Variants in DNAJB11 observed in about 807,000 individuals in gnomAD.
DNAJB11 encodes the protein DnaJ heat shock protein family (Hsp40) member B11.
Under a neutral mutation model 47.2 loss-of-function variants are expected in DNAJB11, and 30 were observed. The ratio of observed to expected loss-of-function variants is 0.64; its 90% CI spans 0.48 to 0.86. The LOEUF (loss-of-function observed/expected upper bound fraction) is 0.86, where lower values mean the gene tolerates loss of function less well. DNAJB11 is among the 40% of genes least tolerant of loss of function. The probability of loss-of-function intolerance (pLI) is 0.00; values close to 1 mark genes in which losing one functional copy is unlikely to be tolerated. For missense variants in DNAJB11, 357 were observed against 440.2 expected (o/e 0.81, Z 1.69); for synonymous variants, 151 against 159.9 (o/e 0.94, Z 0.42).
chr3:186,581,655 T>C (rs1183364667), intron 5 of DNAJB11, 142 bp downstream of exon 5: 8 of 996,646 alleles, frequency 8.0e-6, no homozygotes, highest in Non-Finnish European at 1.0e-5. Context: ...CAAAACAATG[T>C]ACATTTTTTT....
At chr3:186,573,026 G>A (rs981766588) in intron 2 of DNAJB11, among the ~76,000 whole-genome samples, 1 of 152,064 alleles carries the variant, frequency 6.6e-6, no homozygotes, top group Non-Finnish European at 1.5e-5. Flanking sequence ...CTAATCTGGG[G>A]ATCAAAACAC....
At chr3:186,580,572 TG>T (rs1426641187) in intron 4 of DNAJB11, 1 of 152,248 alleles carries the variant, frequency 6.6e-6, no homozygotes, top group Non-Finnish European at 1.5e-5. Flanking sequence ...TGGCTTGGCA[TG>T]TAGTAAGTGC....
chr3:186,581,712 C>G (rs1293010016), intron 5 of DNAJB11, among the ~76,000 whole-genome samples, 199 bp downstream of exon 5: 1 of 151,918 alleles, frequency 6.6e-6, no homozygotes, highest in African/African-American at 2.4e-5. Flanking sequence ...AACTAACAAG[C>G]AGTGCCCTTT....
intron 2 of DNAJB11, among the ~76,000 whole-genome samples, chr3:186,573,240 C>CACA (rs1268826630): frequency 6.6e-6 from 1 of 152,066 alleles, no homozygotes; most frequent in Non-Finnish European, 1.5e-5. Flanking sequence ...TTTAGGAAGA[C>CACA]ACAAACCTTG....
Position 186,582,738 on chromosome 3 carries a change from G to C in DNAJB11, c.705G>C (p.Glu235Asp), listed in dbSNP as rs1467165282. 12 of 1,591,550 alleles carry C rather than the reference G, an allele frequency of 7.5e-6. No homozygotes were observed. Among genetic ancestry groups the C allele is most frequent in the Non-Finnish European group, 1.0e-5 (12 of 1,167,574 alleles). ...TAGGTGAGCCTCACGTGGATGGGGA[G>C]CCTGGAGATTTACGGTTCCGAATCA... ...IGEGEPHVDG[E>D]PGDLRFRIKV... Residue 235 changes from glutamate (E) to aspartate (D), a missense_variant, in exon 7 of 10, where the codon GAG (glutamate) becomes GAC (aspartate). Physicochemically the swap from Glu to Asp is conservative, Grantham distance 45 (BLOSUM62 2). Transcript: ENST00000265028.
At chr3:186,580,630 C>T (rs1715453054) in intron 4 of DNAJB11, 1 of 152,192 alleles carries the variant, frequency 6.6e-6, no homozygotes, top group South Asian at 2.1e-4. Flanking sequence ...ATAATTTACT[C>T]TGTTGACCTG....
chr3:186,585,331 ATTCT>A lies in DNAJB11; in HGVS notation c.1013-7_1013-4del, dbSNP rs776025383. The A allele has an allele frequency of 2.1e-5, 34 of 1,607,686 alleles. No individual in the cohort carries two copies. Among genetic ancestry groups the A allele is most frequent in the South Asian group, 1.6e-4 (14 of 89,648 alleles). On this transcript the variant is annotated splice_polypyrimidine_tract_variant and intron_variant, in intron 9 of 9. Coordinates refer to ENST00000265028, the MANE Select transcript of DNAJB11 (RefSeq NM_016306.6). ...TTTTTGTTAATGGAGTCATTTGTTCATTCTTTCTTCAGGTATCAAACAGCTACTG... is the reference window on the plus strand; with the variant it reads ...TTTTTGTTAATGGAGTCATTTGTTCATTCTTCAGGTATCAAACAGCTACTG...
Position 186,577,755 on chromosome 3 carries a change from T to C in DNAJB11, c.411T>C (p.Asp137=), listed in dbSNP as rs988507021. 9 of 1,608,902 alleles carry C rather than the reference T, an allele frequency of 5.6e-6. No individual in the cohort carries two copies. In the African/African-American group the frequency reaches 1.1e-4, roughly 19 times the overall value. Residue 137 remains aspartate, a synonymous_variant, in exon 4 of 10, where the codon GAT becomes GAC. Coordinates refer to ENST00000265028, the MANE Select transcript of DNAJB11 (RefSeq NM_016306.6). ...NIPRGSDIIV[D]LEVTLEEVYA... ...CAAGAGGAAGTGATATTATTGTAGA[T>C]CTAGAAGTCACTTTGGAAGAAGTAT...
At position 186,581,307 on chromosome 3, in the gene DNAJB11, A is replaced by G. The variant is rs147879139; in HGVS notation, c.457-64A>G. Reference sequence around the variant, plus strand: ...CAGGCATATGTGCAGAGCCTTGATCAATTGAGGAAAGGAAAGGCTGTTTTA... The same window carrying G: ...CAGGCATATGTGCAGAGCCTTGATCGATTGAGGAAAGGAAAGGCTGTTTTA... On this transcript the variant is annotated intron_variant, in intron 4 of 9. Transcript: ENST00000265028. The G allele has an allele frequency of 2.1e-4, 334 of 1,577,708 alleles. 1 individual carries two copies. The African/African-American group carries it at 4.1e-3, about 19-fold the overall frequency.
At position 186,572,159 on chromosome 3, in the gene DNAJB11, T is replaced by C; in HGVS notation, c.133T>C (p.Tyr45His). 6.2e-7 allele frequency: 1 copy of C among 1,613,660 alleles called. No individual in the cohort carries two copies. The highest frequency in any genetic ancestry group is 8.5e-7 in the Non-Finnish European group (1 of 1,179,806). The change falls in exon 2 of 10, where the codon TAT becomes CAT. Residue 45 changes from tyrosine (Y) to histidine (H), a missense_variant. Coordinates refer to ENST00000265028, the MANE Select transcript of DNAJB11 (RefSeq NM_016306.6). Reference sequence around the variant, plus strand: ...CTCTATAAAGGATATTAAAAAGGCCTATAGGAAACTAGCCCTGCAGCTTCA... The same window carrying C: ...CTCTATAAAGGATATTAAAAAGGCCCATAGGAAACTAGCCCTGCAGCTTCA... The part of the protein sequence containing the change: ...SASIKDIKKA[Y>H]RKLALQLHPD...
chr3:186,575,355 GC>G (rs1369488760), intron 2 of DNAJB11, among the ~76,000 whole-genome samples: 11 of 64,180 alleles, frequency 1.7e-4, no homozygotes, highest in African/African-American at 9.3e-4. Context: ...CCTAATACAT[GC>G]GCGCGCGCGC....
At chr3:186,584,120 G>A (rs556180849) in intron 8 of DNAJB11, 144 bp downstream of exon 8, 2 of 675,952 alleles carry the variant, frequency 3.0e-6, no homozygotes, top group East Asian at 2.7e-5. Context: ...CTCTGCTGCT[G>A]AGCATACTGC....
chr3:186,571,032 T>TTGGGGGGGGGGGGGGGGGGGGG, intron 1 of DNAJB11, 67 bp downstream of exon 1: 2 of 201,996 alleles, frequency 9.9e-6, no homozygotes, highest in East Asian at 2.4e-4. Context: ...TGGGAGGGGG[T>TTGGGGGGGGGGGGGGGGGGGGG]GGGGGAAGTG....
chr3:186,582,894 G>GT (rs1715535020), intron 7 of DNAJB11, 121 bp downstream of exon 7: 5 of 747,648 alleles, frequency 6.7e-6, no homozygotes, highest in African/African-American at 5.3e-5. Context: ...ACGATGATTT[G>GT]TAACTCCTCT....
rs754070952 is a variant in DNAJB11 at position 186,582,045 on chromosome 3, G to A, written c.650G>A (p.Arg217Lys). 6.2e-7 allele frequency: 1 copy of A among 1,613,888 alleles called. No individual in the cohort carries two copies. The highest frequency in any genetic ancestry group is 1.1e-5 in the South Asian group (1 of 91,060). Residue 217 changes from arginine to lysine, a missense_variant, in exon 6 of 10, where the codon AGA becomes AAA. Coordinates refer to ENST00000265028, the MANE Select transcript of DNAJB11 (RefSeq NM_016306.6). Reference protein sequence around the residue: ...TLEVEIEPGVRDGMEYPFIGE... With the variant: ...TLEVEIEPGVKDGMEYPFIGE... ...GAAGTAGAAATAGAGCCTGGGGTGAGAGACGGCATGGAGTACCCCTTTATT... is the reference window on the plus strand; with the variant it reads ...GAAGTAGAAATAGAGCCTGGGGTGAAAGACGGCATGGAGTACCCCTTTATT...
At chr3:186,573,358 C>A (rs1715151531) in intron 2 of DNAJB11, among the ~76,000 whole-genome samples, 1 of 152,064 alleles carries the variant, frequency 6.6e-6, no homozygotes, top group Non-Finnish European at 1.5e-5. Flanking sequence ...TCTTTCAACA[C>A]CTTCAGGGAT....
At position 186,585,640 on chromosome 3, in the gene DNAJB11, T is replaced by C. The variant is rs1715662261; in HGVS notation, c.*232T>C. Reference sequence around the variant, plus strand: ...AATACCTCTCCCTTTGGGGATTTAATGTCTGGTGCTGCCGCCTGAGTTTCA... The same window carrying C: ...AATACCTCTCCCTTTGGGGATTTAACGTCTGGTGCTGCCGCCTGAGTTTCA... On this transcript the variant is annotated 3_prime_UTR_variant, in exon 10 of 10. Transcript: ENST00000265028. The C allele has an allele frequency of 3.3e-6, 1 of 299,540 alleles. No homozygotes were observed. The highest frequency in any genetic ancestry group is 5.2e-5 in the Admixed American group (1 of 19,288). The allele number at this position is 299,540 out of a possible 1,614,324, so 18.6% of individuals were successfully genotyped here. A position where few individuals can be genotyped will look rare whatever the true frequency, so the allele number is the denominator to read the frequency against.
At chr3:186,571,219 G>A (rs1051781167) in intron 1 of DNAJB11, among the ~76,000 whole-genome samples, 6 of 152,188 alleles carry the variant, frequency 3.9e-5, no homozygotes, top group Non-Finnish European at 8.8e-5. Flanking sequence ...AGAGGAGTGG[G>A]AGTTGGATGC....
intron 9 of DNAJB11, 81 bp from the exon 10 acceptor site, chr3:186,585,263 T>C (rs2108487682): frequency 4.2e-6 from 5 of 1,192,124 alleles, no homozygotes; most frequent in Non-Finnish European, 6.0e-6. Flanking sequence ...TTTTATGAGC[T>C]TTTTCTTGAA....
Sources: allele counts gnomAD v4.1 joint callset (sites outside exome capture counted in the v4.1 genomes callset), GRCh38; gene constraint gnomAD v4.1.1; transcripts MANE v1.5; gene names NCBI Gene and HGNC (gene_info 2026-07-23, HGNC 2026-07-21).